The following MYO1E variants were observed in gnomAD, a reference collection of about 807,000 sequenced individuals.
The protein encoded by MYO1E is myosin IE, also known as unconventional myosin-Ie.
A neutral mutation model predicts 151.1 loss-of-function variants in MYO1E; 68 were observed. That is an observed-to-expected ratio of 0.45 (90% CI 0.37 to 0.55). The LOEUF (loss-of-function observed/expected upper bound fraction) is 0.55, where lower values mean the gene tolerates loss of function less well. MYO1E is among the 20% of genes least tolerant of loss of function. MYO1E has a pLI of 0.00. For missense variants in MYO1E, 1,363 were observed against 1,389.3 expected, an observed-to-expected ratio of 0.98 and a Z score of 0.30; for synonymous variants, 601 against 501.7, an observed-to-expected ratio of 1.20 and a Z score of -2.64.
intron 1 of MYO1E, among the ~76,000 whole-genome samples, chr15:59,326,579 G>A (rs2080665935): frequency 6.6e-6 from 1 of 152,166 alleles, no homozygotes; most frequent in South Asian, 2.1e-4. Flanking sequence ...AAAATCACAA[G>A]ATGTTTTTCA....
rs151018734 is a variant in MYO1E at position 59,174,512 on chromosome 15, A to G, written c.2050-272T>C. On this transcript the variant is annotated intron_variant, in intron 19 of 27. Coordinates refer to ENST00000288235, the MANE Select transcript of MYO1E (RefSeq NM_004998.4). ...GTTAGACCTTGTCCTGCCTTGCTAC[A>G]GTCTCTGTGAGAATCGAATGAGCGA... Among the ~76,000 whole-genome samples, 72 of 152,278 alleles carry G rather than the reference A, an allele frequency of 4.7e-4. 1 individual carries two copies. In the East Asian group the frequency reaches 0.013, roughly 27 times the overall value.
chr15:59,224,418 A>C (rs1266572996), intron 8 of MYO1E, among the ~76,000 whole-genome samples: 1 of 152,210 alleles, frequency 6.6e-6, no homozygotes, highest in Non-Finnish European at 1.5e-5. Flanking sequence ...TCAACGTATG[A>C]ATCATTTTTG....
chr15:59,328,298 T>C (rs1413934130), intron 1 of MYO1E, among the ~76,000 whole-genome samples: 2 of 152,114 alleles, frequency 1.3e-5, no homozygotes, highest in Admixed American at 6.5e-5. Context: ...TCCCAGAGTG[T>C]GGACCAGAAG....
At chr15:59,339,168 T>A (rs527827818) in intron 1 of MYO1E, among the ~76,000 whole-genome samples, 9 of 152,202 alleles carry the variant, frequency 5.9e-5, no homozygotes, top group Non-Finnish European at 1.2e-4. Context: ...TTTATTCAAC[T>A]TGAAGTAGTA....
rs150324381 is a variant in MYO1E, at chr15:59,271,580, T to G, written c.147+726A>C. ...TGTTGATAATGAAGTCAACCCATAT[T>G]TGAATCAAATTTCCATTCTGCATTT... On this transcript the variant is annotated intron_variant, in intron 2 of 27. Transcript: ENST00000288235. 2.7e-3 allele frequency among the ~76,000 whole-genome samples: 412 copies of G among 152,306 alleles called. 2 individuals are homozygous for G. Among genetic ancestry groups the G allele is most frequent in the African/African-American group, 9.4e-3 (389 of 41,560 alleles).
intron 4 of MYO1E, among the ~76,000 whole-genome samples, chr15:59,243,220 T>C (rs2080110564): frequency 6.6e-6 from 1 of 151,850 alleles, no homozygotes; most frequent in African/African-American, 2.4e-5. Flanking sequence ...TTTGTAATTC[T>C]AGAGTTATAA....
At chr15:59,330,656 T>C (rs1365064560) in intron 1 of MYO1E, among the ~76,000 whole-genome samples, 1 of 152,194 alleles carries the variant, frequency 6.6e-6, no homozygotes, top group Non-Finnish European at 1.5e-5. Flanking sequence ...CTCCATTCCA[T>C]TTAATATTAT....
At chr15:59,296,877 T>C (rs1462976082) in intron 1 of MYO1E, among the ~76,000 whole-genome samples, 15 of 148,586 alleles carry the variant, frequency 1.0e-4, no homozygotes, top group African/African-American at 3.7e-4. Context: ...TCTCGCTCTG[T>C]CGCCCAGGCT....
chr15:59,173,014 C>T (rs1421308683), intron 21 of MYO1E, among the ~76,000 whole-genome samples: 4 of 152,194 alleles, frequency 2.6e-5, no homozygotes, highest in Non-Finnish European at 4.4e-5. Context: ...AAGCTCTTAA[C>T]GGGTCCATGA....
chr15:59,342,986 T>C (rs1179357747), intron 1 of MYO1E, among the ~76,000 whole-genome samples: 4 of 152,332 alleles, frequency 2.6e-5, no homozygotes, highest in Middle Eastern at 3.4e-3. Flanking sequence ...TGAAAAGTTA[T>C]TATTTTTTAT....
chr15:59,207,288 T>C (rs756631670), intron 14 of MYO1E: 21 of 1,614,070 alleles, frequency 1.3e-5, no homozygotes, highest in Admixed American at 8.3e-5. Flanking sequence ...ATCTTCAACA[T>C]GGCAGCCCTT....
At chr15:59,151,040 CACACACACA>C (rs2079473575) in intron 26 of MYO1E, among the ~76,000 whole-genome samples, 2 of 132,312 alleles carry the variant, frequency 1.5e-5, no homozygotes, top group African/African-American at 3.7e-5. Flanking sequence ...CACACACACA[CACACACACA>C]CGCGCGCGCG....
chr15:59,268,742 G>T (rs1352186804), intron 2 of MYO1E, among the ~76,000 whole-genome samples: 183 of 5,942 alleles, frequency 0.031, 1 homozygote, highest in Non-Finnish European at 0.068. Context: ...TTTTTTTTTT[G>T]CTTCACTGCA....
At chr15:59,236,363 A>AATATAT (rs1344132868) in intron 5 of MYO1E, among the ~76,000 whole-genome samples, 3 of 60,814 alleles carry the variant, frequency 4.9e-5, no homozygotes, top group Non-Finnish European at 7.6e-5. Flanking sequence ...AAAAAAAAAA[A>AATATAT]ATATATACAC....
At chr15:59,214,400 T>C (rs1380125592) in intron 11 of MYO1E, 86 bp from the exon 12 acceptor site, 2 of 1,063,184 alleles carry the variant, frequency 1.9e-6, no homozygotes, top group South Asian at 1.3e-5. Flanking sequence ...AATGTCTTCA[T>C]GTGAAAAGCT....
intron 2 of MYO1E, among the ~76,000 whole-genome samples, chr15:59,267,207 G>A (rs1250048177): frequency 1.3e-4 from 2 of 15,640 alleles, no homozygotes; most frequent in African/African-American, 2.6e-4. Context: ...TGTATTTATA[G>A]TAGAGACGGG....
At chr15:59,208,395 C>T (rs2079854687) in intron 14 of MYO1E, 2 of 563,824 alleles carry the variant, frequency 3.5e-6, no homozygotes, top group Non-Finnish European at 6.4e-6. Context: ...AATTCCGACT[C>T]TTTTCATTAG....
chr15:59,142,600 T>C (rs1457229420), intron 26 of MYO1E, among the ~76,000 whole-genome samples: 4 of 152,156 alleles, frequency 2.6e-5, no homozygotes, highest in African/African-American at 9.7e-5. Flanking sequence ...ATCCTCAACC[T>C]GAAAATCTTT....
Position 59,231,763 on chromosome 15 carries a change from T to G in MYO1E, c.449A>C (p.Asn150Thr). Residue 150 changes from asparagine (N) to threonine (T), a missense_variant, in exon 6 of 28, where the codon AAC becomes ACC. Transcript: ENST00000288235. Reference sequence around the variant, plus strand: ...GTTCCCGAAGGCCTCCAGCAGCGGGTTGGACTGCAGGATAATGTCCTTCAC... The same window carrying G: ...GTTCCCGAAGGCCTCCAGCAGCGGGGTGGACTGCAGGATAATGTCCTTCAC... ...QHVKDIILQS[N>T]PLLEAFGNAK... is the part of the protein sequence containing the mutation. The G allele has an allele frequency of 6.2e-7, 1 of 1,614,122 alleles. No individual in the cohort carries two copies. Among genetic ancestry groups the G allele is most frequent in the Non-Finnish European group, 8.5e-7 (1 of 1,180,002 alleles).
Sources: gnomAD v4.1 joint callset for allele counts (sites outside exome capture counted in the v4.1 genomes callset) on GRCh38, gnomAD v4.1.1 for gene constraint, MANE v1.5 for transcripts, NCBI Gene and HGNC (gene_info 2026-07-23, HGNC 2026-07-21) for gene names.